The following PCDH15 variants were observed in gnomAD, a reference collection of about 807,000 sequenced individuals.
The protein encoded by PCDH15 is protocadherin related 15.
A neutral mutation model predicts 178.5 loss-of-function variants in PCDH15; 129 were observed. The observed-to-expected ratio is 0.72, with a 90% CI of 0.63 to 0.84. The LOEUF (loss-of-function observed/expected upper bound fraction) is 0.84, where lower values mean the gene tolerates loss of function less well. PCDH15 is among the 40% of genes least tolerant of loss of function. The pLI is 0.00. For missense variants in PCDH15, 2,230 were observed against 2,099.9 expected (o/e 1.06, Z -1.21); for synonymous variants, 800 against 732.0 (o/e 1.09, Z -1.50).
rs557326719 is a variant in PCDH15 at position 54,909,712 on chromosome 10, G to A, written c.-79-12212C>T. 1.8e-4 allele frequency among the ~76,000 whole-genome samples: 28 copies of A among 152,154 alleles called. 1 individual carries two copies. The South Asian group carries it at 5.6e-3, about 30-fold the overall frequency. On this transcript the variant is annotated intron_variant, in intron 2 of 5. Transcript: ENST00000458638. ...CTCCCAGCTCCCAGAGCACAGGGGT[G>A]TCTGGGTCACAGCAGCTGCTTGGGC...
chr10:54,978,498 T>G (rs1003547390), intron 2 of PCDH15, among the ~76,000 whole-genome samples: 1 of 152,148 alleles, frequency 6.6e-6, no homozygotes, highest in Non-Finnish European at 1.5e-5. Flanking sequence ...GCATAAGAAC[T>G]ATTATAAGCT....
At chr10:54,416,677 T>G (rs10763109) in intron 3 of PCDH15, among the ~76,000 whole-genome samples, 120,796 of 152,070 alleles carry the variant, frequency 0.79, 48,756 homozygotes, top group East Asian at 0.97. Flanking sequence ...TATTTCTGGT[T>G]CTAGATCCTT....
At chr10:55,272,291 T>A (rs1463259997) in intron 1 of PCDH15, among the ~76,000 whole-genome samples, 1 of 151,780 alleles carries the variant, frequency 6.6e-6, no homozygotes, top group South Asian at 2.1e-4. Flanking sequence ...CATATTAAAT[T>A]CTTACGTTGC....
At chr10:53,883,594 G>A (rs2080887353) in intron 26 of PCDH15, among the ~76,000 whole-genome samples, 1 of 152,142 alleles carries the variant, frequency 6.6e-6, no homozygotes, top group African/African-American at 2.4e-5. Flanking sequence ...ATGGCAGGAA[G>A]GAAGATATGT....
At chr10:54,369,811 C>T (rs941105428) in intron 4 of PCDH15, among the ~76,000 whole-genome samples, 3 of 151,950 alleles carry the variant, frequency 2.0e-5, no homozygotes, top group Admixed American at 6.6e-5. Flanking sequence ...TAATCTTTTT[C>T]ACTCTCTAAA....
intron 2 of PCDH15, among the ~76,000 whole-genome samples, chr10:54,939,713 G>A (rs1219433057): frequency 6.6e-6 from 1 of 152,028 alleles, no homozygotes; most frequent in Non-Finnish European, 1.5e-5. Context: ...AGTTCTGGAA[G>A]CTGTGAAGTC....
intron 21 of PCDH15, among the ~76,000 whole-genome samples, chr10:53,983,465 T>C (rs1312545449): frequency 6.6e-6 from 1 of 152,030 alleles, no homozygotes; most frequent in Non-Finnish European, 1.5e-5. Flanking sequence ...ACACCTGGAA[T>C]GACCAATATG....
chr10:54,038,024 TCTC>T (rs1254274314), intron 18 of PCDH15, among the ~76,000 whole-genome samples: 2 of 151,814 alleles, frequency 1.3e-5, no homozygotes, highest in Non-Finnish European at 1.5e-5. Context: ...GCTCAGAGGA[TCTC>T]CTCATAAAAA....
At chr10:54,182,850 C>CT (rs1352250321) in intron 13 of PCDH15, among the ~76,000 whole-genome samples, 264 of 146,956 alleles carry the variant, frequency 1.8e-3, no homozygotes, top group African/African-American at 5.4e-3. Flanking sequence ...AATAGCTATG[C>CT]TTTTTTTTTT....
rs375423268 is a variant in PCDH15 at position 54,740,762 on chromosome 10, C to T, written c.-29+60163G>A. ...AGGTCATTATGTTAATTGAGCTAAGCCAAATACAGAAAAACAAATATCCCA... is the reference window on the plus strand; with the variant it reads ...AGGTCATTATGTTAATTGAGCTAAGTCAAATACAGAAAAACAAATATCCCA... On this transcript the variant is annotated intron_variant, in intron 1 of 37. Transcript: ENST00000644397. Among the ~76,000 whole-genome samples, 124 of 151,914 alleles carry T rather than the reference C, an allele frequency of 8.2e-4. 4 individuals are homozygous for T. In the South Asian group the frequency reaches 0.025, roughly 30 times the overall value.
chr10:53,846,513 G>A (rs2077989690), intron 28 of PCDH15, among the ~76,000 whole-genome samples: 1 of 148,918 alleles, frequency 6.7e-6, no homozygotes, highest in Non-Finnish European at 1.5e-5. Context: ...AATAAATGCT[G>A]AAAGGTTTAT....
intron 10 of PCDH15, among the ~76,000 whole-genome samples, chr10:54,208,920 C>T (rs2051106273): frequency 6.6e-6 from 1 of 152,006 alleles, no homozygotes; most frequent in Admixed American, 6.6e-5. Context: ...ACTATGGACC[C>T]TGTTCAACCT....
intron 2 of PCDH15, among the ~76,000 whole-genome samples, chr10:54,558,322 T>G (rs2087586171): frequency 6.6e-6 from 1 of 152,154 alleles, no homozygotes; most frequent in South Asian, 2.1e-4. Context: ...CTTCAGGAAA[T>G]TTCCACAGAT....
At chr10:54,426,012 T>C (rs1167674233) in intron 3 of PCDH15, among the ~76,000 whole-genome samples, 1 of 152,156 alleles carries the variant, frequency 6.6e-6, no homozygotes, top group African/African-American at 2.4e-5. Flanking sequence ...GAGAAGATGA[T>C]AAACAGGTGA....
intron 1 of PCDH15, among the ~76,000 whole-genome samples, chr10:54,712,555 G>A (rs2095437306): frequency 6.6e-6 from 1 of 152,068 alleles, no homozygotes; most frequent in African/African-American, 2.4e-5. Context: ...GAACTCAGAT[G>A]TCAATGCAAA....
chr10:54,618,099 A>C (rs1248054476), intron 2 of PCDH15, among the ~76,000 whole-genome samples: 1 of 152,100 alleles, frequency 6.6e-6, no homozygotes, highest in African/African-American at 2.4e-5. Context: ...CATGTTCTAA[A>C]GTTCTTCTGT....
chr10:54,297,707 G>A (rs930837585), intron 8 of PCDH15, among the ~76,000 whole-genome samples: 1 of 152,154 alleles, frequency 6.6e-6, no homozygotes, highest in Non-Finnish European at 1.5e-5. Context: ...GGCCCAACGT[G>A]GGTACATGTC....
chr10:54,791,291 G>T (rs1951385318), intron 1 of PCDH15, among the ~76,000 whole-genome samples: 1 of 151,872 alleles, frequency 6.6e-6, no homozygotes, highest in Non-Finnish European at 1.5e-5. Context: ...GTGACAACAG[G>T]TATGGGGCAT....
intron 25 of PCDH15, 144 bp from the exon 26 acceptor site, chr10:53,903,514 C>T (rs1022558873): frequency 9.6e-6 from 8 of 831,176 alleles, no homozygotes; most frequent in Non-Finnish European, 1.5e-5. Flanking sequence ...CTAGCACCCC[C>T]AAATTCAGGG....
Sources: allele counts gnomAD v4.1 joint callset (sites outside exome capture counted in the v4.1 genomes callset), GRCh38; gene constraint gnomAD v4.1.1; transcripts MANE v1.5; gene names NCBI Gene and HGNC (gene_info 2026-07-23, HGNC 2026-07-21).